PARD3B: variants seen among roughly 807,000 people sequenced by gnomAD.
The protein encoded by PARD3B is par-3 family cell polarity regulator beta.
A neutral mutation model predicts 130.2 loss-of-function variants in PARD3B; 103 were observed. The ratio of observed to expected loss-of-function variants is 0.79; its 90% CI spans 0.67 to 0.93. The LOEUF (loss-of-function observed/expected upper bound fraction) is 0.93, where lower values mean the gene tolerates loss of function less well. PARD3B is among the 40% of genes least tolerant of loss of function. The probability of loss-of-function intolerance (pLI) is 0.00; values close to 1 mark genes in which losing one functional copy is unlikely to be tolerated. For missense variants in PARD3B, 1,609 were observed against 1,499.2 expected (o/e 1.07, Z -1.21); for synonymous variants, 583 against 553.2 (o/e 1.05, Z -0.76).
At chr2:205,133,399 T>TA (rs1329722834) in intron 10 of PARD3B, among the ~76,000 whole-genome samples, 2 of 152,172 alleles carry the variant, frequency 1.3e-5, no homozygotes, top group Non-Finnish European at 2.9e-5. Context: ...CTTGGGGATT[T>TA]GGTAAGCATG....
intron 1 of PARD3B, among the ~76,000 whole-genome samples, chr2:204,630,588 G>A (rs1416016931): frequency 2.6e-5 from 4 of 152,126 alleles, no homozygotes; most frequent in Middle Eastern, 3.4e-3. Context: ...TATCTTTAGC[G>A]TATAGTTGCA....
At position 205,421,408 on chromosome 2, in the gene PARD3B, G is replaced by T. The variant is rs989697196; in HGVS notation, c.2742-18962G>T. ...GCCATTTATGTGGGTTTCCTCTCCT[G>T]TGTTCCACTGTATTCCATTTTTAAT... On this transcript the variant is annotated intron_variant, in intron 19 of 22. Coordinates refer to ENST00000406610, the MANE Select transcript of PARD3B (RefSeq NM_001302769.2). The surrounding 1 kb of genome is among the most constrained non-coding windows in gnomAD (Gnocchi z 5.1). Among the ~76,000 whole-genome samples, 3 of 152,116 alleles carry T rather than the reference G, an allele frequency of 2.0e-5. No homozygotes were observed. The highest frequency in any genetic ancestry group is 7.2e-5 in the African/African-American group (3 of 41,430).
chr2:205,246,403 A>T (rs1429005959), intron 16 of PARD3B, among the ~76,000 whole-genome samples: 1 of 152,096 alleles, frequency 6.6e-6, no homozygotes, highest in Non-Finnish European at 1.5e-5. Flanking sequence ...TTCACTCCTA[A>T]AATCCAAGCT....
At chr2:205,488,386 G>T (rs1559140121) in intron 20 of PARD3B, among the ~76,000 whole-genome samples, 1 of 152,126 alleles carries the variant, frequency 6.6e-6, no homozygotes, top group Admixed American at 6.6e-5. Flanking sequence ...ATCTAATGCA[G>T]CCACTGATCT....
chr2:204,590,910 A>G (rs1170335765), intron 1 of PARD3B, among the ~76,000 whole-genome samples: 2 of 152,170 alleles, frequency 1.3e-5, no homozygotes, highest in African/African-American at 2.4e-5. Context: ...TACAACATAG[A>G]TAGGGTTTTG....
chr2:205,480,070 T>C (rs532777147), intron 20 of PARD3B, among the ~76,000 whole-genome samples: 2 of 152,004 alleles, frequency 1.3e-5, no homozygotes, highest in East Asian at 1.9e-4. Flanking sequence ...GCCCAGCTAA[T>C]TTTTTGTATT....
chr2:205,521,752 TTTTG>T (rs965117396), intron 21 of PARD3B, among the ~76,000 whole-genome samples: 36 of 152,124 alleles, frequency 2.4e-4, no homozygotes, highest in Non-Finnish European at 2.2e-4. Flanking sequence ...ACGTTTGTTT[TTTTG>T]TTTGTTTGTT....
chr2:205,583,763 A>C (rs2054091534), intron 22 of PARD3B, among the ~76,000 whole-genome samples: 1 of 152,184 alleles, frequency 6.6e-6, no homozygotes, highest in Non-Finnish European at 1.5e-5. Flanking sequence ...ATACATAGCA[A>C]AAGATGCTAC....
chr2:204,568,718 G>T (rs973659905), intron 1 of PARD3B, among the ~76,000 whole-genome samples: 2 of 152,180 alleles, frequency 1.3e-5, no homozygotes, highest in Admixed American at 1.3e-4. Context: ...ACTATGGGAG[G>T]CCCAGGTGGA....
intron 2 of PARD3B, among the ~76,000 whole-genome samples, chr2:204,885,023 T>C (rs891939750): frequency 6.6e-6 from 1 of 152,222 alleles, no homozygotes; most frequent in African/African-American, 2.4e-5. Flanking sequence ...CAAATGATAT[T>C]TCTGCCTCTA....
At chr2:204,679,954 AAGATTTTTACCTACATATGT>A (rs1254096552) in intron 1 of PARD3B, among the ~76,000 whole-genome samples, 1 of 152,040 alleles carries the variant, frequency 6.6e-6, no homozygotes, top group Non-Finnish European at 1.5e-5. Flanking sequence ...ACAAATGTTT[AAGATTTTTACCTACATATGT>A]AGATTTTTAC....
At chr2:205,522,201 TTTTTTGAA>T (rs1344058801) in intron 21 of PARD3B, among the ~76,000 whole-genome samples, 1 of 151,832 alleles carries the variant, frequency 6.6e-6, no homozygotes, top group Middle Eastern at 3.2e-3. Flanking sequence ...ATGAAACCTA[TTTTTTGAA>T]TTATTCAGCT....
chr2:204,606,703 C>A lies in PARD3B; in HGVS notation c.120+60584C>A, dbSNP rs1203564300. Among the ~76,000 whole-genome samples the A allele has an allele frequency of 6.6e-6, 1 of 152,142 alleles. No homozygotes were observed. Among genetic ancestry groups the A allele is most frequent in the Non-Finnish European group, 1.5e-5 (1 of 68,038 alleles). Reference sequence around the variant, plus strand: ...TCTCATTACCTATTCCGGTAAGATTCTTCTAGGTTAATATGCCCAAACTGT... The same window carrying A: ...TCTCATTACCTATTCCGGTAAGATTATTCTAGGTTAATATGCCCAAACTGT... On this transcript the variant is annotated intron_variant, in intron 1 of 22. Transcript: ENST00000406610. The surrounding 1 kb of genome is among the most constrained non-coding windows in gnomAD (Gnocchi z 4.0).
chr2:204,736,109 C>A (rs564572888), intron 2 of PARD3B, among the ~76,000 whole-genome samples: 91 of 151,874 alleles, frequency 6.0e-4, no homozygotes, highest in African/African-American at 1.6e-3. Context: ...CTATCAAGTC[C>A]TCAGTTCTAC....
chr2:205,088,585 A>T (rs531684073), intron 4 of PARD3B, among the ~76,000 whole-genome samples: 2 of 152,160 alleles, frequency 1.3e-5, no homozygotes, highest in African/African-American at 4.8e-5. Context: ...TCAACCCTCA[A>T]CTTTCACTAT....
intron 1 of PARD3B, among the ~76,000 whole-genome samples, chr2:204,637,799 C>T (rs544857100): frequency 1.9e-4 from 29 of 151,184 alleles, no homozygotes; most frequent in South Asian, 4.2e-4. Context: ...TTAGCGTGTC[C>T]TTTTAGCTTC....
At chr2:204,994,065 G>A (rs1693942917) in intron 3 of PARD3B, among the ~76,000 whole-genome samples, 3 of 149,206 alleles carry the variant, frequency 2.0e-5, no homozygotes, top group East Asian at 4.0e-4. Flanking sequence ...AGGGTTTTTT[G>A]TGTCTCTATT....
chr2:204,951,506 G>A (rs1689768332), intron 2 of PARD3B, among the ~76,000 whole-genome samples: 1 of 152,030 alleles, frequency 6.6e-6, no homozygotes, highest in African/African-American at 2.4e-5. Context: ...CTGTTTATCT[G>A]GTCATTTAAA....
chr2:205,034,381 A>G (rs1697651913), intron 3 of PARD3B, among the ~76,000 whole-genome samples: 1 of 152,112 alleles, frequency 6.6e-6, no homozygotes, highest in Admixed American at 6.6e-5. Context: ...CCCGATTTTA[A>G]ATGTCCGTAT....
Sources: allele counts gnomAD v4.1 joint callset (sites outside exome capture counted in the v4.1 genomes callset), GRCh38; gene constraint gnomAD v4.1.1; non-coding constraint Gnocchi (gnomAD v3.1); transcripts MANE v1.5; gene names NCBI Gene and HGNC (gene_info 2026-07-23, HGNC 2026-07-21).